Variants in REN observed in about 807,000 individuals in gnomAD.
REN encodes the protein renin.
REN carries 42 observed loss-of-function variants against 48.6 expected under a neutral mutation model. That is an observed-to-expected ratio of 0.86 (90% CI 0.68 to 1.12). The LOEUF (loss-of-function observed/expected upper bound fraction) is 1.12, where lower values mean the gene tolerates loss of function less well. Among genes scored for constraint, REN ranks in the 50% most tolerant of loss-of-function variants. The pLI, the probability that REN is intolerant of heterozygous loss-of-function variation, is 0.00. For synonymous variants in REN, 196 were observed against 204.6 expected (o/e 0.96, Z 0.36); for missense variants, 443 against 527.3 (o/e 0.84, Z 1.57).
intron 1 of REN, among the ~76,000 whole-genome samples, chr1:204,165,990 G>A (rs1042608084): frequency 2.0e-5 from 3 of 152,140 alleles, no homozygotes; most frequent in African/African-American, 7.2e-5. Context: ...ATGGTGCTCT[G>A]GGCAGGAAGC....
rs371704012 is a variant in REN at position 204,160,609 on chromosome 1, C to T, written c.443G>A (p.Arg148His). ...GCCACTGACTGTCCCTGTTGAATAG[C>T]GGAGGGTGAGTTCTGTTCCATTGTG... ...YKHNGTELTLRYSTGTVSGFL... is the reference protein window; with the variant it reads ...YKHNGTELTLHYSTGTVSGFL... Residue 148 changes from arginine to histidine, a missense_variant, in exon 4 of 10, where the codon CGC becomes CAC. Transcript: ENST00000272190. 39 of 1,614,042 alleles carry T rather than the reference C, an allele frequency of 2.4e-5. No homozygotes were observed. The African/African-American group carries it at 3.1e-4, about 13-fold the overall frequency.
At chr1:204,164,983 T>C (rs1326095086) in intron 1 of REN, among the ~76,000 whole-genome samples, 1 of 152,036 alleles carries the variant, frequency 6.6e-6, no homozygotes, top group African/African-American at 2.4e-5. Context: ...CTTTCTTTTT[T>C]TTTTTTAGAC....
In REN at chr1:204,156,854, G is replaced by A; in HGVS notation, c.699-58C>T. Reference sequence around the variant, plus strand: ...ATAACCTCCAGGACCCAGCAACTCAGGCAATTGGGGAAGGTTGCACAAGGG... The same window carrying A: ...ATAACCTCCAGGACCCAGCAACTCAAGCAATTGGGGAAGGTTGCACAAGGG... On this transcript the variant is annotated intron_variant, in intron 6 of 9. Transcript: ENST00000272190. The surrounding 1 kb of genome is among the most constrained non-coding windows in gnomAD (Gnocchi z 4.2). 6.2e-7 allele frequency: 1 copy of A among 1,607,596 alleles called. No individual in the cohort carries two copies. Among genetic ancestry groups the A allele is most frequent in the Non-Finnish European group, 8.5e-7 (1 of 1,179,036 alleles).
Position 204,162,093 on chromosome 1 carries a change from C to T in REN, c.169G>A (p.Gly57Ser), listed in dbSNP as rs777584055. 13 of 1,614,096 alleles carry T rather than the reference C, an allele frequency of 8.1e-6. No individual in the cohort carries two copies. Among genetic ancestry groups the T allele is most frequent in the Non-Finnish European group, 5.1e-6 (6 of 1,180,004 alleles). The change falls in exon 2 of 10, where the codon GGT (glycine) becomes AGT (serine). Residue 57 changes from glycine to serine, a missense_variant. Transcript: ENST00000272190. ...TTCATGGGTTGGCTCCACTCGGGACCAAGCCTGGCCATGTCCACACCTCGT... is the reference window on the plus strand; with the variant it reads ...TTCATGGGTTGGCTCCACTCGGGACTAAGCCTGGCCATGTCCACACCTCGT... ...KERGVDMARL[G>S]PEWSQPMKRL...
In REN at chr1:204,159,600, G is replaced by A. The variant is rs754827699; in HGVS notation, c.493-5C>T. The A allele has an allele frequency of 1.2e-6, 2 of 1,614,146 alleles. No individual in the cohort carries two copies. Among genetic ancestry groups the A allele is most frequent in the South Asian group, 2.2e-5 (2 of 91,084 alleles). On this transcript the variant is annotated splice_polypyrimidine_tract_variant and splice_region_variant and intron_variant, in intron 4 of 9. Coordinates refer to ENST00000272190, the MANE Select transcript of REN (RefSeq NM_000537.4). The stretch of plus-strand genomic sequence containing the variant: ...TGTCACCGTGATTCCACCCACCTGT[G>A]GGAGGAAGGACCAGAGGAGACCAAG...
intron 4 of REN, 106 bp from the exon 5 acceptor site, chr1:204,159,701 G>A: frequency 3.1e-6 from 3 of 956,570 alleles, no homozygotes; most frequent in Middle Eastern, 5.5e-4. Context: ...ATGCTCCAGG[G>A]TACAGAAATC....
At chr1:204,161,769 C>G (rs1658250138) in intron 2 of REN, among the ~76,000 whole-genome samples, 1 of 152,170 alleles carries the variant, frequency 6.6e-6, no homozygotes, top group Admixed American at 6.5e-5. Context: ...ACCTGTGACA[C>G]CTGGCTTGAG....
intron 6 of REN, 107 bp downstream of exon 6, chr1:204,157,254 G>T: frequency 6.9e-7 from 1 of 1,443,084 alleles, no homozygotes; most frequent in Non-Finnish European, 9.8e-7. Flanking sequence ...TCTAGCGGAG[G>T]CTGGGCTTGC....
rs3839003 is a variant in REN at position 204,156,336 on chromosome 1, TCAGA to T, written c.819-21_819-18del. On this transcript the variant is annotated intron_variant, in intron 7 of 9. Coordinates refer to ENST00000272190, the MANE Select transcript of REN (RefSeq NM_000537.4). This position sits in a 1 kb window ranked among gnomAD's most constrained non-coding sequence, Gnocchi z 4.2. ...ACAGACACCCTGGGGGAGGCCACAG[TCAGA>T]CAGACAGACAGACAGACAGACAGAA... 3.1e-3 allele frequency: 4,884 copies of T among 1,585,614 alleles called. 84 individuals carry two copies. In the African/African-American group the frequency reaches 0.051, roughly 17 times the overall value.
intron 1 of REN, 55 bp from the exon 2 acceptor site, chr1:204,162,218 G>A (rs1356997516): frequency 3.7e-6 from 6 of 1,600,520 alleles, no homozygotes; most frequent in Non-Finnish European, 5.1e-6. Flanking sequence ...CCACCACAGT[G>A]GTGGAGTCCC....
intron 5 of REN, among the ~76,000 whole-genome samples, chr1:204,158,577 C>G (rs1056701531): frequency 6.6e-6 from 1 of 152,150 alleles, no homozygotes; most frequent in Non-Finnish European, 1.5e-5. Flanking sequence ...CCACTGCACC[C>G]AGCCCCTTTT....
intron 4 of REN, among the ~76,000 whole-genome samples, chr1:204,160,244 T>C (rs891153225): frequency 1.3e-5 from 2 of 152,224 alleles, no homozygotes; most frequent in African/African-American, 2.4e-5. Flanking sequence ...GTCTAGGGTG[T>C]AGCCCAGTCA....
chr1:204,159,863 A>G (rs1378578578), intron 4 of REN, among the ~76,000 whole-genome samples: 2 of 152,328 alleles, frequency 1.3e-5, no homozygotes, highest in Admixed American at 6.5e-5. Context: ...AAAGCTGCCA[A>G]GAGCTCCTCC....
chr1:204,161,990 G>A (rs764336268), intron 2 of REN, 23 bp downstream of exon 2: 118 of 1,613,214 alleles, frequency 7.3e-5, no homozygotes, highest in Non-Finnish European at 9.3e-5. Context: ...GGGAGGGAGC[G>A]AGGGGCTGAG....
At chr1:204,165,444 G>A (rs962454810) in intron 1 of REN, among the ~76,000 whole-genome samples, 1 of 152,160 alleles carries the variant, frequency 6.6e-6, no homozygotes, top group Non-Finnish European at 1.5e-5. Flanking sequence ...ACTTGGAGAG[G>A]TTAAATAACT....
intron 1 of REN, among the ~76,000 whole-genome samples, chr1:204,165,590 AC>A (rs1658329240): frequency 6.9e-6 from 1 of 143,904 alleles, no homozygotes; most frequent in Non-Finnish European, 1.5e-5. Flanking sequence ...CCATGCCCCG[AC>A]CCCCGTCTTT....
Position 204,156,605 on chromosome 1 carries a change from C to A in REN, c.818+72G>T. On this transcript the variant is annotated intron_variant, in intron 7 of 9. Transcript: ENST00000272190. This position sits in a 1 kb window ranked among gnomAD's most constrained non-coding sequence, Gnocchi z 4.2. ...AAAGAGGGCAGGATGGTAATGCAGT[C>A]CTTCCCCACCCTCCCCAACCCCAGT... is the stretch of plus-strand genomic sequence containing the variant. 2 of 1,591,788 alleles carry A rather than the reference C, an allele frequency of 1.3e-6. No individual in the cohort carries two copies. The highest frequency in any genetic ancestry group is 2.2e-5 in the East Asian group (1 of 44,764).
intron 1 of REN, among the ~76,000 whole-genome samples, chr1:204,164,419 G>A (rs1658302501): frequency 1.3e-5 from 2 of 152,180 alleles, no homozygotes; most frequent in Non-Finnish European, 2.9e-5. Context: ...GACACCCTAA[G>A]CATTTTATAG....
Position 204,156,025 on chromosome 1 carries a change from GTGCCCCGCCCCA to G in REN, c.961-119_961-108del. On this transcript the variant is annotated intron_variant, in intron 8 of 9. Coordinates refer to ENST00000272190, the MANE Select transcript of REN (RefSeq NM_000537.4). This position sits in a 1 kb window ranked among gnomAD's most constrained non-coding sequence, Gnocchi z 4.2. ...TCTCTGCTGGAGAGGGCTGGGGACA[GTGCCCCGCCCCA>G]TGGGTGACCAGCCACATGTGTGGAG... 1 of 1,441,820 alleles carries G rather than the reference GTGCCCCGCCCCA, an allele frequency of 6.9e-7. No individual in the cohort carries two copies. Among genetic ancestry groups the G allele is most frequent in the Non-Finnish European group, 9.7e-7 (1 of 1,027,016 alleles). The allele number at this position is 1,441,820 out of a possible 1,614,324, so 89.3% of individuals were successfully genotyped here.
Sources: gnomAD v4.1 joint callset for allele counts (sites outside exome capture counted in the v4.1 genomes callset) on GRCh38, gnomAD v4.1.1 for gene constraint, Gnocchi (gnomAD v3.1) non-coding constraint, MANE v1.5 for transcripts, NCBI Gene and HGNC (gene_info 2026-07-23, HGNC 2026-07-21) for gene names.